The following RSU1 variants were observed in gnomAD, a reference collection of about 807,000 sequenced individuals.
RSU1 encodes Ras suppressor protein 1, also known as rsu-1.
In RSU1, 26 loss-of-function variants were observed where a neutral mutation model predicts 31.1. The ratio of observed to expected loss-of-function variants is 0.84; its 90% confidence interval spans 0.61 to 1.16. The LOEUF is 1.16. Among genes scored for constraint, RSU1 ranks in the 50% most tolerant of loss-of-function variants. The pLI is 0.00. For missense variants in RSU1, 320 were observed against 339.1 expected, an observed-to-expected ratio of 0.94 and a Z score of 0.44; for synonymous variants, 164 against 136.3, an observed-to-expected ratio of 1.20 and a Z score of -1.41.
At chr10:16,653,162 A>C (rs1333924631) in intron 8 of RSU1, among the ~76,000 whole-genome samples, 1 of 152,352 alleles carries the variant, frequency 6.6e-6, no homozygotes, top group Non-Finnish European at 1.5e-5. Context: ...AAGCAAAGAA[A>C]GGGAAGAAGC....
At chr10:16,671,422 T>G (rs1835102840) in intron 8 of RSU1, among the ~76,000 whole-genome samples, 1 of 152,136 alleles carries the variant, frequency 6.6e-6, no homozygotes, top group Non-Finnish European at 1.5e-5. Flanking sequence ...CTGCAATTAG[T>G]CATTTCCTCA....
rs114713291 is a variant in RSU1 at position 16,809,462 on chromosome 10, C to T, written c.109+7511G>A. On this transcript the variant is annotated intron_variant, in intron 2 of 8. Transcript: ENST00000345264. ...AGCAAAGCTCTGTGTGGAGATGAGA[C>T]GAGCTGTGTCCAGCCTCCCAGGGAG... Among the ~76,000 whole-genome samples the T allele has an allele frequency of 4.8e-3, 736 of 152,234 alleles. 2 individuals are homozygous for T. The highest frequency in any genetic ancestry group is 0.017 in the African/African-American group (690 of 41,536).
At chr10:16,727,380 G>A (rs994532664) in intron 7 of RSU1, among the ~76,000 whole-genome samples, 4 of 151,996 alleles carry the variant, frequency 2.6e-5, no homozygotes, top group Non-Finnish European at 5.9e-5. Flanking sequence ...GCAAATTCAC[G>A]ACCACAGTGA....
intron 2 of RSU1, among the ~76,000 whole-genome samples, chr10:16,805,251 C>A (rs1373678194): frequency 6.6e-6 from 1 of 152,082 alleles, no homozygotes; most frequent in African/African-American, 2.4e-5. Context: ...GTCCAGCAAT[C>A]ATAGCAAACG....
At chr10:16,641,673 CT>C (rs1403504764) in intron 8 of RSU1, among the ~76,000 whole-genome samples, 1 of 152,124 alleles carries the variant, frequency 6.6e-6, no homozygotes, top group East Asian at 1.9e-4. Context: ...ACAACAGCCC[CT>C]GCCTTCCCAG....
intron 8 of RSU1, among the ~76,000 whole-genome samples, chr10:16,617,666 C>A (rs1834000833): frequency 6.6e-6 from 1 of 152,106 alleles, no homozygotes; most frequent in Admixed American, 6.5e-5. Flanking sequence ...AGAACAGAGA[C>A]CTCAGAAATA....
intron 8 of RSU1, among the ~76,000 whole-genome samples, chr10:16,687,125 G>C (rs2131554706): frequency 6.6e-6 from 1 of 152,242 alleles, no homozygotes; most frequent in Non-Finnish European, 1.5e-5. Context: ...GTCTTTATTT[G>C]CATCTATTGC....
intron 2 of RSU1, among the ~76,000 whole-genome samples, chr10:16,809,727 C>T (rs1486030023): frequency 6.6e-6 from 1 of 152,108 alleles, no homozygotes; most frequent in Non-Finnish European, 1.5e-5. Context: ...TTTCTTTCAA[C>T]TAGGTTCATG....
At chr10:16,816,828 T>G (rs1838543749) in intron 2 of RSU1, 145 bp downstream of exon 2, 1 of 621,756 alleles carries the variant, frequency 1.6e-6, no homozygotes, top group South Asian at 1.9e-5. Context: ...GCAAACCCTC[T>G]GCGCGAAGCC....
chr10:16,596,435 T>C (rs1267711534), intron 8 of RSU1, among the ~76,000 whole-genome samples: 1 of 152,166 alleles, frequency 6.6e-6, no homozygotes, highest in African/African-American at 2.4e-5. Context: ...GCCCTTGTCC[T>C]CAGATGTTGA....
At chr10:16,767,033 A>G (rs1307228690) in intron 3 of RSU1, among the ~76,000 whole-genome samples, 7 of 151,636 alleles carry the variant, frequency 4.6e-5, no homozygotes, top group African/African-American at 1.5e-4. Context: ...AAAAAAAAAA[A>G]AAAAGAAAAG....
intron 2 of RSU1, among the ~76,000 whole-genome samples, chr10:16,809,954 C>G (rs1170251091): frequency 6.7e-6 from 1 of 150,036 alleles, no homozygotes; most frequent in Non-Finnish European, 1.5e-5. Context: ...GGCACATTGG[C>G]TCACACCTGT....
chr10:16,678,626 TAA>T (rs1835274066), intron 8 of RSU1, among the ~76,000 whole-genome samples: 1 of 152,202 alleles, frequency 6.6e-6, no homozygotes, highest in Non-Finnish European at 1.5e-5. Flanking sequence ...CATGGGGAAG[TAA>T]AAACTTCCTA....
chr10:16,754,845 G>T, intron 5 of RSU1, 26 bp downstream of exon 5: 3 of 1,423,112 alleles, frequency 2.1e-6, no homozygotes, highest in Non-Finnish European at 3.0e-6. Flanking sequence ...AGGTTGAGGA[G>T]ATTTATAGAA....
chr10:16,604,107 C>T (rs1323867600), intron 8 of RSU1, among the ~76,000 whole-genome samples: 1 of 152,148 alleles, frequency 6.6e-6, no homozygotes, highest in South Asian at 2.1e-4. Flanking sequence ...TTATGCCCTG[C>T]CAACACAGAA....
At chr10:16,602,170 C>T (rs1833724336) in intron 8 of RSU1, among the ~76,000 whole-genome samples, 1 of 152,164 alleles carries the variant, frequency 6.6e-6, no homozygotes, top group Non-Finnish European at 1.5e-5. Context: ...GCTTCCTCCT[C>T]CCCTTCTCCA....
intron 8 of RSU1, among the ~76,000 whole-genome samples, chr10:16,676,383 T>C (rs922027578): frequency 5.3e-5 from 8 of 152,138 alleles, no homozygotes; most frequent in African/African-American, 1.9e-4. Context: ...CTGCCCTTTA[T>C]AAAACCATCA....
At chr10:16,705,065 C>T (rs753931151) in intron 7 of RSU1, among the ~76,000 whole-genome samples, 3 of 152,146 alleles carry the variant, frequency 2.0e-5, no homozygotes, top group Non-Finnish European at 4.4e-5. Flanking sequence ...ACCACCATTC[C>T]GCTTATCTCT....
intron 4 of RSU1, among the ~76,000 whole-genome samples, chr10:16,759,458 G>A (rs953320406): frequency 6.6e-6 from 1 of 152,204 alleles, no homozygotes. Flanking sequence ...AGTGAGCGGA[G>A]AGCATGCCAC....
Sources: allele counts gnomAD v4.1 joint callset (sites outside exome capture counted in the v4.1 genomes callset), GRCh38; gene constraint gnomAD v4.1.1; transcripts MANE v1.5; gene names NCBI Gene and HGNC (gene_info 2026-07-23, HGNC 2026-07-21).